The following NDUFS1 variants were observed in gnomAD, a reference collection of about 807,000 sequenced individuals.
NDUFS1 encodes NADH-ubiquinone oxidoreductase 75 kDa subunit, mitochondrial.
Under a neutral mutation model 84.4 loss-of-function variants are expected in NDUFS1, and 61 were observed. The ratio of observed to expected loss-of-function variants is 0.72; its 90% CI spans 0.59 to 0.89. NDUFS1 has a LOEUF of 0.89. Among genes scored for constraint, NDUFS1 ranks in the 40% least tolerant of loss-of-function variants. NDUFS1 has a pLI of 0.00. For missense variants in NDUFS1, 891 were observed against 890.0 expected, an observed-to-expected ratio of 1.00 and a Z score of -0.01; for synonymous variants, 275 against 290.0, an observed-to-expected ratio of 0.95 and a Z score of 0.53.
chr2:206,149,728 A>C (rs1378914549), intron 4 of NDUFS1, 90 bp downstream of exon 4: 2 of 910,986 alleles, frequency 2.2e-6, no homozygotes, highest in East Asian at 2.4e-5. Context: ...TAGGTTCTCC[A>C]CTACGATATT....
At chr2:206,130,494 AC>A (rs1366743741) in intron 14 of NDUFS1, among the ~76,000 whole-genome samples, 1 of 152,158 alleles carries the variant, frequency 6.6e-6, no homozygotes, top group Non-Finnish European at 1.5e-5. Context: ...AGCTGGGACT[AC>A]AGGCACATGC....
At chr2:206,126,670 G>A (rs751441546) in intron 17 of NDUFS1, 40 bp downstream of exon 17, 5 of 1,614,096 alleles carry the variant, frequency 3.1e-6, no homozygotes, top group South Asian at 1.1e-5. Context: ...TACACCAGTA[G>A]ATACAACATT....
chr2:206,141,790 C>T (rs560100768), intron 12 of NDUFS1, 151 bp downstream of exon 12: 61 of 621,314 alleles, frequency 9.8e-5, no homozygotes, highest in Admixed American at 9.5e-4. Flanking sequence ...AGTGAGACTC[C>T]GTCCCACCAA....
Position 206,149,799 on chromosome 2 carries a change from AATT to A in NDUFS1, c.261+16_261+18del, listed in dbSNP as rs1559062689. ...TTCTACCTTCTACAGCATGGTGTAGAATTTTAGGTATCAAGTACCTTAGGGGCT... is the reference window on the plus strand; with the variant it reads ...TTCTACCTTCTACAGCATGGTGTAGATTAGGTATCAAGTACCTTAGGGGCT... On this transcript the variant is annotated intron_variant, in intron 4 of 18. Transcript: ENST00000233190. 1 of 1,571,820 alleles carries A rather than the reference AATT, an allele frequency of 6.4e-7. No individual in the cohort carries two copies. Among genetic ancestry groups the A allele is most frequent in the East Asian group, 2.2e-5 (1 of 44,670 alleles).
chr2:206,145,111 A>G, intron 8 of NDUFS1, 85 bp from the exon 9 acceptor site: 1 of 1,322,916 alleles, frequency 7.6e-7, no homozygotes, highest in Non-Finnish European at 1.0e-6. Context: ...AATTTTTTTT[A>G]CAATTAATTC....
At chr2:206,146,878 C>T (rs1692171381) in intron 8 of NDUFS1, 25 bp downstream of exon 8, 3 of 1,605,712 alleles carry the variant, frequency 1.9e-6, no homozygotes. Context: ...GACAAAAAAA[C>T]AAATTGTCAT....
chr2:206,138,758 C>T (rs540184094), intron 12 of NDUFS1, 144 bp from the exon 13 acceptor site: 1 of 934,806 alleles, frequency 1.1e-6, no homozygotes, highest in Middle Eastern at 3.3e-4. Flanking sequence ...TTACTACGTA[C>T]CTTTCAAAAC....
At position 206,123,004 on chromosome 2, in the gene NDUFS1, G is replaced by A. The variant is rs567316680; in HGVS notation, c.*1181C>T. Reference sequence around the variant, plus strand: ...ACCCACCTTGGCCCCCCAAGTGTTGGGATTACAGGTGTAAGCCACCACACC... The same window carrying A: ...ACCCACCTTGGCCCCCCAAGTGTTGAGATTACAGGTGTAAGCCACCACACC... On this transcript the variant is annotated 3_prime_UTR_variant, in exon 19 of 19. Transcript: ENST00000233190. 14 of 151,810 alleles carry A rather than the reference G, an allele frequency of 9.2e-5. No homozygotes were observed. The highest frequency in any genetic ancestry group is 2.7e-4 in the African/African-American group (11 of 41,352). 9.4% of individuals were successfully genotyped at this position (151,810 alleles called of 1,614,324 possible).
chr2:206,130,869 A>G (rs72944806), intron 14 of NDUFS1, among the ~76,000 whole-genome samples: 12,428 of 152,256 alleles, frequency 0.082, 739 homozygotes, highest in Admixed American at 0.19. Flanking sequence ...ATAAAACATG[A>G]TAAGTCATAT....
At chr2:206,159,004 T>C in intron 1 of NDUFS1, 1 of 1,379,946 alleles carries the variant, frequency 7.2e-7, no homozygotes, top group Non-Finnish European at 9.9e-7. Context: ...CATCGGACAC[T>C]GGTCCTCTCC....
chr2:206,157,180 G>A (rs1354704789), intron 1 of NDUFS1, among the ~76,000 whole-genome samples: 7 of 152,180 alleles, frequency 4.6e-5, no homozygotes, highest in Non-Finnish European at 8.8e-5. Flanking sequence ...TCAAACTCCT[G>A]ACCTCAGTGA....
Position 206,147,035 on chromosome 2 carries a change from T to C in NDUFS1, c.605A>G (p.Asn202Ser). Reference sequence around the variant, plus strand: ...AATGTATGTGCCAACTTGCATATCATTTCCTCTGCCTGTTGTTCCCAAATC... The same window carrying C: ...AATGTATGTGCCAACTTGCATATCACTTCCTCTGCCTGTTGTTCCCAAATC... ...VDDLGTTGRG[N>S]DMQVGTYIEK... The change falls in exon 8 of 19, where the codon AAT becomes AGT. Residue 202 changes from asparagine to serine, a missense_variant. By Grantham distance (46) the Asn-to-Ser change is conservative (BLOSUM62 1). Transcript: ENST00000233190. 1.2e-6 allele frequency: 2 copies of C among 1,614,130 alleles called. No individual in the cohort carries two copies. The highest frequency in any genetic ancestry group is 1.7e-6 in the Non-Finnish European group (2 of 1,180,006).
At position 206,116,416 on chromosome 2, in the gene NDUFS1, T is replaced by A; in HGVS notation, c.*7769A>T. On this transcript the variant is annotated 3_prime_UTR_variant, in exon 19 of 19. Coordinates refer to ENST00000233190, the MANE Select transcript of NDUFS1 (RefSeq NM_005006.7). ...GCGCCCATCCCAAGCTGCCAGGGCC[T>A]CGATAGGCAGGGCGCGGCAGGTGCC... 2.5e-6 allele frequency: 2 copies of A among 812,130 alleles called. No homozygotes were observed. Among genetic ancestry groups the A allele is most frequent in the Non-Finnish European group, 4.1e-6 (2 of 487,570 alleles). The allele number at this position is 812,130 out of a possible 1,614,324, so 50.3% of individuals were successfully genotyped here.
chr2:206,157,769 C>A (rs1687718616), intron 1 of NDUFS1, among the ~76,000 whole-genome samples: 1 of 152,098 alleles, frequency 6.6e-6, no homozygotes, highest in South Asian at 2.1e-4. Context: ...TGCCAAGTAG[C>A]AATAGAAATA....
rs863224097 is a variant in NDUFS1, at chr2:206,130,100, T to A, written c.1696A>T (p.Ile566Phe). The part of the protein sequence containing the change: ...TRQDLPKDCF[I>F]IYQGHHGDVG... ...AGGTGATACTTACCTTGATAAATAA[T>A]GAAACAATCCTTTGGCAAATCCTGT... Residue 566 changes from isoleucine (I) to phenylalanine (F), a missense_variant, in exon 15 of 19, where the codon ATT becomes TTT. Transcript: ENST00000233190. The A allele has an allele frequency of 6.2e-7, 1 of 1,614,196 alleles. No individual in the cohort carries two copies. The highest frequency in any genetic ancestry group is 1.7e-5 in the Admixed American group (1 of 60,018).
chr2:206,125,123 GGCATGA>G (rs1691240053), intron 18 of NDUFS1, among the ~76,000 whole-genome samples: 1 of 151,814 alleles, frequency 6.6e-6, no homozygotes, highest in Non-Finnish European at 1.5e-5. Flanking sequence ...TGGAATTACA[GGCATGA>G]GCCACTGCAC....
rs1368651351 is a variant in NDUFS1, at chr2:206,121,334, T to C, written c.*2851A>G. The C allele has an allele frequency of 6.6e-6, 1 of 152,254 alleles. No individual in the cohort carries two copies. The highest frequency in any genetic ancestry group is 1.5e-5 in the Non-Finnish European group (1 of 68,040). The allele number at this position is 152,254 out of a possible 1,614,324, so 9.4% of individuals were successfully genotyped here. A position where few individuals can be genotyped will look rare whatever the true frequency, so the allele number is the denominator to read the frequency against. The stretch of plus-strand genomic sequence containing the variant: ...ACATCTTTTTCAGTCTATTTTTCTC[T>C]AGCAATTATCTTCAATGTTTATGCT... On this transcript the variant is annotated 3_prime_UTR_variant, in exon 19 of 19. Coordinates refer to ENST00000233190, the MANE Select transcript of NDUFS1 (RefSeq NM_005006.7).
chr2:206,139,684 T>C (rs1691857589), intron 12 of NDUFS1, among the ~76,000 whole-genome samples: 1 of 151,992 alleles, frequency 6.6e-6, no homozygotes, highest in Non-Finnish European at 1.5e-5. Context: ...ATAAGTGCAA[T>C]GACTATATAG....
intron 1 of NDUFS1, among the ~76,000 whole-genome samples, chr2:206,155,410 C>G (rs552729250): frequency 6.8e-6 from 1 of 147,392 alleles, no homozygotes; most frequent in South Asian, 2.2e-4. Context: ...CCACTGTGCC[C>G]AGCCTATTTA....
Sources: gnomAD v4.1 joint callset for allele counts (sites outside exome capture counted in the v4.1 genomes callset) on GRCh38, gnomAD v4.1.1 for gene constraint, MANE v1.5 for transcripts, NCBI Gene and HGNC (gene_info 2026-07-23, HGNC 2026-07-21) for gene names.